Variants in OTOA observed in about 807,000 individuals in gnomAD.
The protein encoded by OTOA is cancer/testis antigen 108.
A neutral mutation model predicts 110.8 loss-of-function variants in OTOA; 70 were observed. The ratio of observed to expected loss-of-function variants is 0.63; its 90% confidence interval spans 0.52 to 0.77. OTOA has a LOEUF of 0.77. Ranked by LOEUF, OTOA falls within the 30% of genes least tolerant of loss-of-function variation. OTOA has a pLI of 0.00. For synonymous variants in OTOA, 373 were observed against 431.5 expected, an observed-to-expected ratio of 0.86 and a Z score of 1.68; for missense variants, 917 against 1,075.8, an observed-to-expected ratio of 0.85 and a Z score of 2.06.
At chr16:21,728,217 A>G in intron 19 of OTOA, 24 bp from the exon 20 acceptor site, 1 of 1,613,992 alleles carries the variant, frequency 6.2e-7, no homozygotes, top group South Asian at 1.1e-5. Flanking sequence ...GGAACTGCCC[A>G]TTGGCTCCAC....
chr16:21,719,328 C>G, intron 16 of OTOA, 59 bp from the exon 17 acceptor site: 2 of 1,573,230 alleles, frequency 1.3e-6, no homozygotes, highest in East Asian at 2.2e-5. Flanking sequence ...TTCTCTCGCT[C>G]TTTCTTTCCT....
chr16:21,712,676 T>G (rs1898393309), intron 13 of OTOA, among the ~76,000 whole-genome samples: 1 of 94,906 alleles, frequency 1.1e-5, no homozygotes, highest in South Asian at 3.9e-4. Context: ...ATGTCTCTAC[T>G]AAAAATAAAA....
At chr16:21,728,189 A>G in intron 19 of OTOA, 52 bp from the exon 20 acceptor site, 2 of 1,609,048 alleles carry the variant, frequency 1.2e-6, no homozygotes, top group Non-Finnish European at 1.7e-6. Context: ...CTAATGGCTC[A>G]CGATCTTATG....
chr16:21,675,330 T>A (rs1452893579), intron 1 of OTOA, among the ~76,000 whole-genome samples: 3 of 136,732 alleles, frequency 2.2e-5, no homozygotes, highest in Non-Finnish European at 4.7e-5. Context: ...TTTTTTTTTT[T>A]TTTTTTTATA....
In OTOA at chr16:21,726,536, G is replaced by C. The variant is rs1280318611; in HGVS notation, c.1894G>C (p.Ala632Pro). The change falls in exon 19 of 29, where the codon GCT becomes CCT. Residue 632 changes from alanine (A) to proline (P), a missense_variant. Physicochemically the swap from Ala to Pro is conservative, Grantham distance 27 (BLOSUM62 -1). Transcript: ENST00000646100. The stretch of plus-strand genomic sequence containing the variant: ...ATCTCTCTCCAGGGCCCGCTACCTG[G>C]CTTCTGTCCCAGCCTCCCAGTGTGT... ...LLAALPARYL[A>P]SVPASQCVPF... 6.2e-6 allele frequency: 10 copies of C among 1,613,842 alleles called. No individual in the cohort carries two copies. Among genetic ancestry groups the C allele is most frequent in the Non-Finnish European group, 8.5e-6 (10 of 1,180,014 alleles).
chr16:21,698,118 A>G (rs1897981160), intron 10 of OTOA, among the ~76,000 whole-genome samples: 1 of 152,194 alleles, frequency 6.6e-6, no homozygotes, highest in East Asian at 1.9e-4. Flanking sequence ...AACTAAGATC[A>G]CATCTCTGAT....
In OTOA at chr16:21,691,978, G is replaced by A. The variant is rs60318351; in HGVS notation, c.739+291G>A. ...ATAATGATGGTAACTTAGATTCAATGTGAACCTTGAGTAGGGGTACAAGTT... is the reference window on the plus strand; with the variant it reads ...ATAATGATGGTAACTTAGATTCAATATGAACCTTGAGTAGGGGTACAAGTT... On this transcript the variant is annotated intron_variant, in intron 9 of 28. Coordinates refer to ENST00000646100, the MANE Select transcript of OTOA (RefSeq NM_144672.4). Among the ~76,000 whole-genome samples, 6,069 of 152,212 alleles carry A rather than the reference G, an allele frequency of 0.04. 401 individuals carry two copies. Among genetic ancestry groups the A allele is most frequent in the African/African-American group, 0.13 (5,587 of 41,526 alleles).
intron 6 of OTOA, among the ~76,000 whole-genome samples, chr16:21,683,250 T>A (rs1966929255): frequency 6.6e-6 from 1 of 152,212 alleles, no homozygotes; most frequent in Non-Finnish European, 1.5e-5. Flanking sequence ...GCTGGCACTA[T>A]TGAGCACTTA....
At chr16:21,682,183 A>G (rs1966903624) in intron 6 of OTOA, among the ~76,000 whole-genome samples, 1 of 152,096 alleles carries the variant, frequency 6.6e-6, no homozygotes, top group Admixed American at 6.5e-5. Context: ...TTATCCAAGG[A>G]CCCAGGTTCC....
intron 11 of OTOA, among the ~76,000 whole-genome samples, chr16:21,703,787 C>G (rs715039): frequency 0.17 from 25,811 of 152,108 alleles, 2,386 homozygotes; most frequent in South Asian, 0.25. Context: ...TTCATTCTAA[C>G]TCTAAGAGCA....
At chr16:21,687,748 A>G in intron 8 of OTOA, 100 bp downstream of exon 8, 1 of 1,021,520 alleles carries the variant, frequency 9.8e-7, no homozygotes, top group Non-Finnish European at 1.5e-6. Flanking sequence ...GCTCACTGCA[A>G]CCTCTGCCTC....
Position 21,701,777 on chromosome 16 carries a change from C to T in OTOA, c.980+750C>T, listed in dbSNP as rs181707817. ...GGGACTACAGATGTGTGCCACCATG[C>T]CCAGCTAAATTTTTTGTATTTTCAG... On this transcript the variant is annotated intron_variant, in intron 11 of 28. Transcript: ENST00000646100. Among the ~76,000 whole-genome samples, 104 of 151,908 alleles carry T rather than the reference C, an allele frequency of 6.8e-4. 1 individual carries two copies. In the East Asian group the frequency reaches 0.014, roughly 21 times the overall value.
intron 24 of OTOA, among the ~76,000 whole-genome samples, chr16:21,750,033 C>T (rs1899779259): frequency 6.6e-6 from 1 of 152,126 alleles, no homozygotes; most frequent in African/African-American, 2.4e-5. Context: ...TGGATGCCTC[C>T]TCAGGTCCTA....
In OTOA at chr16:21,704,991, T is replaced by A. The variant is rs1265903875; in HGVS notation, c.981-178T>A. 30 of 982,100 alleles carry A rather than the reference T, an allele frequency of 3.1e-5. No homozygotes were observed. The East Asian group carries it at 6.4e-4, about 21-fold the overall frequency. The allele number at this position is 982,100 out of a possible 1,614,324, so 60.8% of individuals were successfully genotyped here. A position where few individuals can be genotyped will look rare whatever the true frequency, so the allele number is the denominator to read the frequency against. ...CATTCCTTGGTCTCGTCTGAGCAGT[T>A]AGGTTCCGCCTGTGGTTGCACATTT... On this transcript the variant is annotated intron_variant, in intron 11 of 28. Transcript: ENST00000646100.
At chr16:21,701,190 CT>C (rs1279459758) in intron 11 of OTOA, 163 bp downstream of exon 11, 16 of 1,026,446 alleles carry the variant, frequency 1.6e-5, no homozygotes, top group African/African-American at 3.2e-5. Flanking sequence ...GTGTCTGCAA[CT>C]TTTTTTATGA....
intron 1 of OTOA, among the ~76,000 whole-genome samples, chr16:21,672,579 C>T (rs1452217419): frequency 2.0e-5 from 3 of 149,548 alleles, no homozygotes; most frequent in Admixed American, 6.7e-5. Flanking sequence ...GCCGAGATTG[C>T]GCCACTACAC....
chr16:21,673,832 C>A (rs559857743), intron 1 of OTOA, among the ~76,000 whole-genome samples: 5 of 152,306 alleles, frequency 3.3e-5, no homozygotes, highest in African/African-American at 1.2e-4. Context: ...CACTGTCACC[C>A]AGGCTGGAAT....
rs753536066 is a variant in OTOA at position 21,678,986 on chromosome 16, A to G, written c.120+43A>G. The G allele has an allele frequency of 5.6e-6, 9 of 1,613,802 alleles. No homozygotes were observed. In the South Asian group the frequency reaches 9.9e-5, roughly 18 times the overall value. ...TGTTAATCAGAGTCCCCTCTACTGG[A>G]ATTGCCAACTTTTGGTTGTTATACT... On this transcript the variant is annotated intron_variant, in intron 3 of 28. Transcript: ENST00000646100.
At chr16:21,756,589 G>A (rs1424013598) in intron 27 of OTOA, among the ~76,000 whole-genome samples, 1 of 152,070 alleles carries the variant, frequency 6.6e-6, no homozygotes, top group Non-Finnish European at 1.5e-5. Flanking sequence ...GCACTGGGAA[G>A]CTGTCCTGCA....
Sources: gnomAD v4.1 joint callset for allele counts (sites outside exome capture counted in the v4.1 genomes callset) on GRCh38, gnomAD v4.1.1 for gene constraint, MANE v1.5 for transcripts, NCBI Gene and HGNC (gene_info 2026-07-23, HGNC 2026-07-21) for gene names.